The following ARHGAP29 variants were observed in gnomAD, a reference collection of about 807,000 sequenced individuals.
ARHGAP29 encodes the protein rho GTPase-activating protein 29.
In ARHGAP29, 43 loss-of-function variants were observed where a neutral mutation model predicts 122.6. The observed-to-expected ratio is 0.35, with a 90% CI of 0.27 to 0.45. The LOEUF is 0.45. Among genes scored for constraint, ARHGAP29 ranks in the 20% least tolerant of loss-of-function variants. ARHGAP29 has a pLI of 1.00. For synonymous variants in ARHGAP29, 506 were observed against 497.1 expected (o/e 1.02, Z -0.24); for missense variants, 1,303 against 1,477.2 (o/e 0.88, Z 1.93).
intron 1 of ARHGAP29, among the ~76,000 whole-genome samples, chr1:94,244,499 A>C (rs1653718507): frequency 6.6e-6 from 1 of 152,102 alleles, no homozygotes; most frequent in South Asian, 2.1e-4. Flanking sequence ...GCATCTACAA[A>C]AAAAACCGAC....
chr1:94,292,156 C>A, the ARHGAP29 span, among the ~76,000 whole-genome samples: 2 of 152,082 alleles, frequency 1.3e-5, no homozygotes, highest in Non-Finnish European at 2.9e-5. Flanking sequence ...TGTTTCTTTT[C>A]ACTCTTTTTT....
At chr1:94,312,035 C>G in the ARHGAP29 span, among the ~76,000 whole-genome samples, 3 of 152,214 alleles carry the variant, frequency 2.0e-5, no homozygotes, top group Non-Finnish European at 2.9e-5. Context: ...ATCTCCCACC[C>G]TTAACAAACA....
In ARHGAP29 at chr1:94,188,938, G is replaced by C. The variant is rs749955367; in HGVS notation, c.1580C>G (p.Pro527Arg). 2 of 1,611,734 alleles carry C rather than the reference G, an allele frequency of 1.2e-6. No individual in the cohort carries two copies. Among genetic ancestry groups the C allele is most frequent in the Admixed American group, 3.3e-5 (2 of 59,806 alleles). Residue 527 changes from proline (P) to arginine (R), a missense_variant, in exon 15 of 23, where the codon CCT becomes CGT. By Grantham distance (103) the Pro-to-Arg change is moderately radical. Transcript: ENST00000260526. Reference protein sequence around the residue: ...RCSNSADITGPSFIRSWTFGM... With the variant: ...RCSNSADITGRSFIRSWTFGM... ...AAATGTCCATGATCTTATAAAGGAA[G>C]GACCTTTAATAAAAAGAATAAAGTC... is the stretch of plus-strand genomic sequence containing the variant.
intron 1 of ARHGAP29, among the ~76,000 whole-genome samples, chr1:94,274,198 G>A (rs577887312): frequency 6.6e-6 from 1 of 152,140 alleles, no homozygotes; most frequent in African/African-American, 2.4e-5. Context: ...AGCTGTGCAG[G>A]CCTTACAGTC....
At chr1:94,204,404 GCTTGTGTACTGACC>G (rs1158592179) in intron 7 of ARHGAP29, among the ~76,000 whole-genome samples, 1 of 152,120 alleles carries the variant, frequency 6.6e-6, no homozygotes, top group African/African-American at 2.4e-5. Flanking sequence ...TAGGACCTAG[GCTTGTGTACTGACC>G]CTCTACAAGA....
At chr1:94,211,222 G>A (rs1231774261) in intron 3 of ARHGAP29, among the ~76,000 whole-genome samples, 2 of 132,382 alleles carry the variant, frequency 1.5e-5, no homozygotes, top group East Asian at 2.4e-4. Context: ...AGGAGGCAGA[G>A]GTTGCAGTAA....
the ARHGAP29 span, among the ~76,000 whole-genome samples, chr1:94,291,747 A>C: frequency 2.0e-5 from 3 of 152,138 alleles, no homozygotes; most frequent in Non-Finnish European, 4.4e-5. Context: ...CTGGGATGAA[A>C]ATTCTTTTCT....
chr1:94,205,702 A>G lies in ARHGAP29; in HGVS notation c.511-19T>C, dbSNP rs200212592. The G allele has an allele frequency of 5.3e-5, 85 of 1,606,898 alleles. No homozygotes were observed. In the Middle Eastern group the frequency reaches 1.0e-3, roughly 19 times the overall value. Reference sequence around the variant, plus strand: ...CAAACGACTTACAACATGGAAAAAGATAAATTTAAAATTAGAGAAGAACAC... The same window carrying G: ...CAAACGACTTACAACATGGAAAAAGGTAAATTTAAAATTAGAGAAGAACAC... On this transcript the variant is annotated intron_variant, in intron 5 of 22. Coordinates refer to ENST00000260526, the MANE Select transcript of ARHGAP29 (RefSeq NM_004815.4).
chr1:94,270,574 T>A (rs1201350770), intron 1 of ARHGAP29, among the ~76,000 whole-genome samples: 1 of 152,102 alleles, frequency 6.6e-6, no homozygotes, highest in Non-Finnish European at 1.5e-5. Context: ...GCCAAGTAAA[T>A]TTCATGAGCA....
chr1:94,291,934 G>T, the ARHGAP29 span, among the ~76,000 whole-genome samples: 13 of 152,030 alleles, frequency 8.6e-5, no homozygotes, highest in African/African-American at 3.1e-4. Flanking sequence ...TGTGTCTTGG[G>T]GTTGCTCTTC....
chr1:94,306,366 T>C, the ARHGAP29 span, among the ~76,000 whole-genome samples: 1 of 152,234 alleles, frequency 6.6e-6, no homozygotes, highest in African/African-American at 2.4e-5. Flanking sequence ...ATGATATCCA[T>C]GGATGTGCCC....
chr1:94,179,165 A>G (rs1649292120), intron 20 of ARHGAP29, among the ~76,000 whole-genome samples: 1 of 152,216 alleles, frequency 6.6e-6, no homozygotes, highest in South Asian at 2.1e-4. Context: ...CCTGGCACAC[A>G]GGAGGCATCT....
At chr1:94,302,125 A>G in the ARHGAP29 span, 1 of 275,954 alleles carries the variant, frequency 3.6e-6, no homozygotes, top group Non-Finnish European at 7.1e-6. Flanking sequence ...CAAAGTGGAT[A>G]TCATCACCAT....
At chr1:94,256,594 G>T (rs1173178497) in intron 1 of ARHGAP29, among the ~76,000 whole-genome samples, 1 of 103,828 alleles carries the variant, frequency 9.6e-6, no homozygotes, top group African/African-American at 4.0e-5. Context: ...GTCTCGCTCT[G>T]TCTCCCAGGC....
chr1:94,188,253 C>G (rs1004241076), intron 15 of ARHGAP29, among the ~76,000 whole-genome samples: 1 of 151,996 alleles, frequency 6.6e-6, no homozygotes, highest in East Asian at 1.9e-4. Flanking sequence ...ATGAGATAAT[C>G]TATATTAAAG....
At chr1:94,267,565 G>A (rs1195205143) in intron 1 of ARHGAP29, among the ~76,000 whole-genome samples, 1 of 147,822 alleles carries the variant, frequency 6.8e-6, no homozygotes, top group Non-Finnish European at 1.5e-5. Flanking sequence ...ATAGTTGTGA[G>A]TGAAAATTTA....
At chr1:94,202,854 T>C (rs1216081825) in intron 10 of ARHGAP29, 64 bp downstream of exon 10, 20 of 1,547,554 alleles carry the variant, frequency 1.3e-5, no homozygotes, top group Non-Finnish European at 1.7e-5. Flanking sequence ...GGAAGGTCAG[T>C]ATATACTGCA....
the ARHGAP29 span, among the ~76,000 whole-genome samples, chr1:94,293,715 C>T: frequency 1.5e-4 from 23 of 152,182 alleles, no homozygotes; most frequent in Admixed American, 4.6e-4. Flanking sequence ...CTGTGCATAG[C>T]GGGGGAGGTG....
chr1:94,302,775 G>A, the ARHGAP29 span: 1 of 300,232 alleles, frequency 3.3e-6, no homozygotes, highest in Non-Finnish European at 6.6e-6. Context: ...GGAGAAACCA[G>A]CCAAATATGA....
Sources: gnomAD v4.1 joint callset for allele counts (sites outside exome capture counted in the v4.1 genomes callset) on GRCh38, gnomAD v4.1.1 for gene constraint, MANE v1.5 for transcripts, NCBI Gene and HGNC (gene_info 2026-07-23, HGNC 2026-07-21) for gene names.